Variants in TENM1 observed in about 807,000 individuals in gnomAD.
TENM1 encodes the protein teneurin-1.
A neutral mutation model predicts 174.8 loss-of-function variants in TENM1; 35 were observed. That is an observed-to-expected ratio of 0.20 (90% CI 0.15 to 0.27). TENM1 has a LOEUF of 0.27. Among genes scored for constraint, TENM1 ranks in the 10% least tolerant of loss-of-function variants. The pLI is 1.00. For synonymous variants in TENM1, 781 were observed against 798.7 expected (o/e 0.98, Z 0.37); for missense variants, 1,633 against 2,130.1 (o/e 0.77, Z 4.59).
At chrX:124,449,140 C>T (rs2061000620) in intron 23 of TENM1, among the ~76,000 whole-genome samples, 1 of 111,714 alleles carries the variant, frequency 9.0e-6, no homozygotes, top group Admixed American at 9.5e-5. Flanking sequence ...CCTGGTAAAT[C>T]CTGCTGGCTT....
chrX:125,069,909 G>A, the TENM1 span, among the ~76,000 whole-genome samples: 1 of 110,995 alleles, frequency 9.0e-6, no homozygotes, highest in Non-Finnish European at 1.9e-5. Context: ...AATGCCTATT[G>A]TTTTTTTACT....
chrX:125,041,035 A>G, the TENM1 span, among the ~76,000 whole-genome samples: 1 of 111,407 alleles, frequency 9.0e-6, no homozygotes, highest in Non-Finnish European at 1.9e-5. Context: ...ATTACCAATA[A>G]TGCGACATCC....
chrX:125,028,398 A>G, the TENM1 span, among the ~76,000 whole-genome samples: 1 of 112,270 alleles, frequency 8.9e-6, no homozygotes, highest in African/African-American at 3.2e-5. Context: ...ATACATAGAA[A>G]TGAAAATTAT....
chrX:124,564,634 G>A (rs939290662), intron 12 of TENM1, among the ~76,000 whole-genome samples: 2 of 111,459 alleles, frequency 1.8e-5, no homozygotes, highest in East Asian at 5.6e-4. Flanking sequence ...AAACCTTAGC[G>A]GTGGATAGAA....
intron 22 of TENM1, among the ~76,000 whole-genome samples, chrX:124,462,427 T>TGGGGGGGG (rs2061186072): frequency 1.8e-5 from 1 of 55,766 alleles, no homozygotes; most frequent in African/African-American, 9.5e-5. Flanking sequence ...ACTGTGTGTG[T>TGGGGGGGG]GTGTGGGGGG....
the TENM1 span, among the ~76,000 whole-genome samples, chrX:125,001,737 T>C: frequency 9.0e-6 from 1 of 110,532 alleles, no homozygotes; most frequent in Non-Finnish European, 1.9e-5. Flanking sequence ...CATTGGACTA[T>C]AAACTTTCAT....
chrX:124,788,080 T>A (rs2055084378), intron 3 of TENM1, among the ~76,000 whole-genome samples: 1 of 111,549 alleles, frequency 9.0e-6, no homozygotes, highest in African/African-American at 3.3e-5. Context: ...TTCACTATCA[T>A]GACAGCAGCC....
chrX:125,180,835 GAT>G, the TENM1 span, among the ~76,000 whole-genome samples: 1 of 111,538 alleles, frequency 9.0e-6, no homozygotes, highest in African/African-American at 3.3e-5. Context: ...CAGGGTATTT[GAT>G]ATTTCTCTGC....
At chrX:124,396,839 G>C (rs1329209901) in intron 27 of TENM1, among the ~76,000 whole-genome samples, 1 of 111,548 alleles carries the variant, frequency 9.0e-6, no homozygotes, top group Non-Finnish European at 1.9e-5. Context: ...GAAAAGAGAA[G>C]GGGGGGAAAA....
At chrX:125,002,210 A>T in the TENM1 span, among the ~76,000 whole-genome samples, 1 of 111,557 alleles carries the variant, frequency 9.0e-6, no homozygotes, top group Non-Finnish European at 1.9e-5. Context: ...TGTTTAGTGA[A>T]TGAATGAGAG....
intron 13 of TENM1, 138 bp downstream of exon 16, chrX:124,563,611 C>T: frequency 2.1e-6 from 1 of 472,489 alleles, no homozygotes; most frequent in Non-Finnish European, 3.5e-6. Context: ...ATGAAACTGA[C>T]AACATTATAT....
intron 11 of TENM1, among the ~76,000 whole-genome samples, chrX:124,598,515 A>C (rs1471588307): frequency 8.9e-6 from 1 of 112,164 alleles, no homozygotes; most frequent in Non-Finnish European, 1.9e-5. Flanking sequence ...TGAATGGATA[A>C]AGAAAATGTG....
chrX:124,820,543 T>C (rs1463213667), intron 3 of TENM1, among the ~76,000 whole-genome samples: 3 of 112,312 alleles, frequency 2.7e-5, no homozygotes, highest in African/African-American at 3.2e-5. Context: ...AAAAATCTTA[T>C]GTAATCTTTG....
chrX:124,542,205 T>A (rs777641726), intron 15 of TENM1, among the ~76,000 whole-genome samples: 1 of 112,651 alleles, frequency 8.9e-6, no homozygotes, highest in East Asian at 2.8e-4. Flanking sequence ...AGGATGATAC[T>A]GAATTGTTTT....
chrX:125,178,877 CAGG>C, the TENM1 span, among the ~76,000 whole-genome samples: 1 of 110,052 alleles, frequency 9.1e-6, no homozygotes, highest in Non-Finnish European at 1.9e-5. Flanking sequence ...GAGGCTGAAG[CAGG>C]AGAATTGCTC....
intron 1 of TENM1, among the ~76,000 whole-genome samples, chrX:124,904,705 G>A (rs1159668123): frequency 1.8e-5 from 2 of 111,914 alleles, no homozygotes; most frequent in African/African-American, 6.5e-5. Flanking sequence ...GTCACACAAA[G>A]GAAGCTTTCT....
chrX:124,508,501 A>C (rs1205556925), intron 18 of TENM1, among the ~76,000 whole-genome samples: 5 of 112,266 alleles, frequency 4.5e-5, no homozygotes, highest in Non-Finnish European at 1.9e-5. Context: ...GAATCACTGG[A>C]TTTGATTTGG....
intron 23 of TENM1, among the ~76,000 whole-genome samples, chrX:124,452,113 T>A (rs1177135494): frequency 1.8e-5 from 2 of 112,334 alleles, no homozygotes; most frequent in African/African-American, 3.2e-5. Context: ...AAATTTTTGC[T>A]ATCTACTCAT....
chrX:124,510,112 T>C (rs1007326952), intron 18 of TENM1, among the ~76,000 whole-genome samples: 1 of 112,563 alleles, frequency 8.9e-6, no homozygotes, highest in Non-Finnish European at 1.9e-5. Flanking sequence ...CAATTAGATA[T>C]GTTTTTGTGC....
Sources: gnomAD v4.1 joint callset for allele counts (sites outside exome capture counted in the v4.1 genomes callset) on GRCh38, gnomAD v4.1.1 for gene constraint, MANE v1.5 for transcripts, NCBI Gene and HGNC (gene_info 2026-07-23, HGNC 2026-07-21) for gene names.